Variants in SOCS5 observed in about 807,000 individuals in gnomAD.
SOCS5 encodes suppressor of cytokine signaling 5.
SOCS5 carries 32 observed loss-of-function variants against 42.8 expected under a neutral mutation model. The observed-to-expected ratio is 0.75, with a 90% confidence interval of 0.56 to 1.01. The LOEUF is 1.01. Ranked by LOEUF, SOCS5 falls within the 50% of genes least tolerant of loss-of-function variation. The pLI, the probability that SOCS5 is intolerant of heterozygous loss-of-function variation, is 0.00. For synonymous variants in SOCS5, 283 were observed against 229.6 expected (o/e 1.23, Z -2.10); for missense variants, 627 against 653.0 (o/e 0.96, Z 0.43).
chr2:46,746,196 T>C (rs1229359609), intron 1 of SOCS5, among the ~76,000 whole-genome samples: 1 of 152,002 alleles, frequency 6.6e-6, no homozygotes, highest in African/African-American at 2.4e-5. Context: ...TAGGGGGCAG[T>C]GGAGATGGAG....
intron 1 of SOCS5, among the ~76,000 whole-genome samples, chr2:46,732,243 C>G (rs1446845638): frequency 6.6e-6 from 1 of 152,172 alleles, no homozygotes; most frequent in Non-Finnish European, 1.5e-5. Flanking sequence ...CTGACTGTAT[C>G]AGGGCTTTTA....
intron 1 of SOCS5, among the ~76,000 whole-genome samples, chr2:46,702,531 G>A (rs1305482434): frequency 1.3e-5 from 2 of 152,172 alleles, no homozygotes; most frequent in Admixed American, 1.3e-4. Flanking sequence ...GAGTACTAGA[G>A]ACCTGCTGGG....
At chr2:46,725,620 C>G (rs981236035) in intron 1 of SOCS5, among the ~76,000 whole-genome samples, 7 of 152,274 alleles carry the variant, frequency 4.6e-5, no homozygotes, top group Middle Eastern at 3.4e-3. Context: ...AAAACCCCAT[C>G]AGACAATTAC....
chr2:46,741,657 T>A (rs1367672243), intron 1 of SOCS5, among the ~76,000 whole-genome samples: 1 of 152,212 alleles, frequency 6.6e-6, no homozygotes, highest in African/African-American at 2.4e-5. Flanking sequence ...TGTTTAGTTG[T>A]ACTATTTTAT....
intron 1 of SOCS5, among the ~76,000 whole-genome samples, chr2:46,729,327 C>G (rs1673062860): frequency 6.7e-6 from 1 of 148,968 alleles, no homozygotes; most frequent in African/African-American, 2.5e-5. Flanking sequence ...ATAGGGGATC[C>G]AAAAGTAGCC....
intron 1 of SOCS5, among the ~76,000 whole-genome samples, chr2:46,703,539 CAT>C (rs1479258397): frequency 2.0e-5 from 3 of 152,148 alleles, no homozygotes; most frequent in African/African-American, 7.2e-5. Flanking sequence ...ATAATCTAAT[CAT>C]GTGAATAAAT....
intron 1 of SOCS5, among the ~76,000 whole-genome samples, chr2:46,729,615 G>A (rs936655141): frequency 1.3e-5 from 2 of 152,162 alleles, no homozygotes; most frequent in Non-Finnish European, 2.9e-5. Flanking sequence ...ATTTTTAAAT[G>A]GCACACCTGT....
intron 1 of SOCS5, among the ~76,000 whole-genome samples, chr2:46,733,674 A>G (rs978410715): frequency 3.9e-5 from 6 of 152,214 alleles, no homozygotes; most frequent in Non-Finnish European, 7.3e-5. Flanking sequence ...CATTCTTTCA[A>G]GCAAAAGTTA....
intron 1 of SOCS5, among the ~76,000 whole-genome samples, chr2:46,752,803 CTG>C (rs1292904313): frequency 2.6e-5 from 4 of 152,146 alleles, no homozygotes; most frequent in Admixed American, 6.6e-5. Flanking sequence ...CCTGACAAAA[CTG>C]TTTTATTTCG....
intron 1 of SOCS5, among the ~76,000 whole-genome samples, chr2:46,746,528 G>A (rs997290027): frequency 6.6e-6 from 1 of 151,926 alleles, no homozygotes; most frequent in Non-Finnish European, 1.5e-5. Context: ...GCGGACATCT[G>A]TAGTCCCAGC....
At chr2:46,714,276 C>T (rs1470609971) in intron 1 of SOCS5, among the ~76,000 whole-genome samples, 1 of 152,128 alleles carries the variant, frequency 6.6e-6, no homozygotes, top group Admixed American at 6.5e-5. Context: ...TCTGTTTCTT[C>T]TTTCAGTTCC....
At chr2:46,744,067 G>C (rs1255138686) in intron 1 of SOCS5, among the ~76,000 whole-genome samples, 1 of 151,712 alleles carries the variant, frequency 6.6e-6, no homozygotes. Context: ...TCAGCTCACT[G>C]CAACCTCCCC....
At chr2:46,753,179 C>T (rs1359050443) in intron 1 of SOCS5, among the ~76,000 whole-genome samples, 1 of 152,176 alleles carries the variant, frequency 6.6e-6, no homozygotes, top group Non-Finnish European at 1.5e-5. Flanking sequence ...AATGCTGTTC[C>T]CTCTGCCTAT....
intron 1 of SOCS5, among the ~76,000 whole-genome samples, chr2:46,751,455 G>GT (rs763261243): frequency 5.8e-4 from 88 of 150,808 alleles, no homozygotes; most frequent in South Asian, 5.7e-3. Flanking sequence ...ACATGCAAGT[G>GT]TTTTTTTTTA....
chr2:46,717,809 G>A lies in SOCS5; in HGVS notation c.-13+18360G>A, dbSNP rs762252169. Among the ~76,000 whole-genome samples the A allele has an allele frequency of 7.9e-5, 12 of 152,264 alleles. No homozygotes were observed. The Middle Eastern group carries it at 0.017, about 216-fold the overall frequency. On this transcript the variant is annotated intron_variant, in intron 1 of 1. Coordinates refer to ENST00000394861, the MANE Select transcript of SOCS5 (RefSeq NM_144949.3). ...TCTTTTCACTCTAGCTTAGCTGCTAGGAATTTTAATGTCTCCCGGACCTGT... is the reference window on the plus strand; with the variant it reads ...TCTTTTCACTCTAGCTTAGCTGCTAAGAATTTTAATGTCTCCCGGACCTGT...
At position 46,712,621 on chromosome 2, in the gene SOCS5, C is replaced by T. The variant is rs369541245; in HGVS notation, c.-13+13172C>T. On this transcript the variant is annotated intron_variant, in intron 1 of 1. Transcript: ENST00000394861. ...CCTCCCAAAGTGCTGGGATTACAGG[C>T]GTGAGCCACTGTGCCCGGCCTGTTC... 2.6e-4 allele frequency among the ~76,000 whole-genome samples: 40 copies of T among 152,264 alleles called. 2 individuals carry two copies. The South Asian group carries it at 4.8e-3, about 18-fold the overall frequency.
At chr2:46,735,051 C>A (rs1239082314) in intron 1 of SOCS5, among the ~76,000 whole-genome samples, 2 of 152,184 alleles carry the variant, frequency 1.3e-5, no homozygotes, top group African/African-American at 4.8e-5. Flanking sequence ...TCATGATCAC[C>A]TTTTCTGCGA....
At chr2:46,723,260 T>C (rs979824107) in intron 1 of SOCS5, among the ~76,000 whole-genome samples, 1 of 152,108 alleles carries the variant, frequency 6.6e-6, no homozygotes, top group African/African-American at 2.4e-5. Context: ...TTTTATCTCA[T>C]GTTCTGAAAG....
At chr2:46,730,035 A>G (rs1024660220) in intron 1 of SOCS5, among the ~76,000 whole-genome samples, 2 of 152,192 alleles carry the variant, frequency 1.3e-5, no homozygotes, top group Non-Finnish European at 2.9e-5. Flanking sequence ...CTTGGTTAGG[A>G]TCATCTAGAC....
Sources: gnomAD v4.1 joint callset for allele counts (sites outside exome capture counted in the v4.1 genomes callset) on GRCh38, gnomAD v4.1.1 for gene constraint, MANE v1.5 for transcripts, NCBI Gene and HGNC (gene_info 2026-07-23, HGNC 2026-07-21) for gene names.